Variants in NME8 observed in about 807,000 individuals in gnomAD.
The protein encoded by NME8 is protein NME8.
Under a neutral mutation model 82.3 loss-of-function variants are expected in NME8, and 72 were observed. The observed-to-expected ratio is 0.87, with a 90% CI of 0.72 to 1.06. The LOEUF is 1.06. Ranked by LOEUF, NME8 falls within the 50% of genes least tolerant of loss-of-function variation. The pLI, the probability that NME8 is intolerant of heterozygous loss-of-function variation, is 0.00. For missense variants in NME8, 712 were observed against 685.4 expected, an observed-to-expected ratio of 1.04 and a Z score of -0.43; for synonymous variants, 267 against 228.5, an observed-to-expected ratio of 1.17 and a Z score of -1.52.
At chr7:37,865,236 A>G (rs1784659277) in intron 9 of NME8, among the ~76,000 whole-genome samples, 1 of 152,192 alleles carries the variant, frequency 6.6e-6, no homozygotes, top group African/African-American at 2.4e-5. Flanking sequence ...TACTTCCTAG[A>G]TACAATAGGG....
chr7:37,870,245 T>TAA (rs34913943), intron 11 of NME8, among the ~76,000 whole-genome samples: 2,688 of 145,238 alleles, frequency 0.019, 158 homozygotes, highest in Admixed American at 0.12. Flanking sequence ...CTGATGAACT[T>TAA]AAAAAAAAAA....
intron 14 of NME8, among the ~76,000 whole-genome samples, chr7:37,886,862 C>CAAA (rs3837059): frequency 5.3e-4 from 75 of 142,276 alleles, no homozygotes; most frequent in African/African-American, 1.9e-3. Context: ...GGTGATAAGG[C>CAAA]AAAAAAAAAA....
chr7:37,877,607 T>G (rs775040063), intron 12 of NME8, among the ~76,000 whole-genome samples: 2 of 152,184 alleles, frequency 1.3e-5, no homozygotes, highest in African/African-American at 2.4e-5. Context: ...CCTAGGAGCT[T>G]TCTAGGAGCT....
intron 5 of NME8, among the ~76,000 whole-genome samples, chr7:37,852,236 G>A (rs1784448145): frequency 6.6e-6 from 1 of 152,042 alleles, no homozygotes; most frequent in South Asian, 2.1e-4. Flanking sequence ...TTACCAGGAA[G>A]TAAAGAGTTC....
chr7:37,877,789 AC>A (rs1784879714), intron 12 of NME8, among the ~76,000 whole-genome samples: 1 of 151,874 alleles, frequency 6.6e-6, no homozygotes, highest in Non-Finnish European at 1.5e-5. Context: ...TCAGTATCAT[AC>A]CCCCCTTCCC....
At chr7:37,889,638 A>C (rs1785098453) in intron 15 of NME8, among the ~76,000 whole-genome samples, 1 of 151,948 alleles carries the variant, frequency 6.6e-6, no homozygotes, top group South Asian at 2.1e-4. Flanking sequence ...TTATTCAACA[A>C]ATAAATTATT....
At chr7:37,874,204 T>C (rs1784813741) in intron 11 of NME8, among the ~76,000 whole-genome samples, 1 of 152,204 alleles carries the variant, frequency 6.6e-6, no homozygotes, top group African/African-American at 2.4e-5. Context: ...CCTTGGAATC[T>C]CTGAACACAC....
chr7:37,882,096 G>A (rs1305100997), intron 12 of NME8, among the ~76,000 whole-genome samples: 1 of 152,120 alleles, frequency 6.6e-6, no homozygotes, highest in Non-Finnish European at 1.5e-5. Flanking sequence ...TGTTTTTCAA[G>A]ATTGTATAGA....
intron 16 of NME8, among the ~76,000 whole-genome samples, chr7:37,894,846 A>G (rs986523636): frequency 7.0e-6 from 1 of 143,618 alleles, no homozygotes; most frequent in East Asian, 2.0e-4. Flanking sequence ...CTTCCTTCCT[A>G]CTTTCCTTTC....
intron 11 of NME8, among the ~76,000 whole-genome samples, chr7:37,868,200 G>A (rs552006743): frequency 3.8e-4 from 58 of 152,254 alleles, no homozygotes; most frequent in African/African-American, 1.3e-3. Flanking sequence ...AGTGCAGCGG[G>A]GCTCCTCAGT....
intron 5 of NME8, among the ~76,000 whole-genome samples, chr7:37,855,023 C>A (rs1328231290): frequency 1.3e-5 from 2 of 152,156 alleles, no homozygotes; most frequent in African/African-American, 4.8e-5. Context: ...TCAGGGTTCT[C>A]TTCCATAGCA....
chr7:37,887,331 A>G (rs1057354328), intron 14 of NME8, among the ~76,000 whole-genome samples: 1 of 152,158 alleles, frequency 6.6e-6, no homozygotes, highest in African/African-American at 2.4e-5. Context: ...TCCCTTCAGT[A>G]TCTTCTGGAT....
chr7:37,881,109 T>C (rs1229386840), intron 12 of NME8, among the ~76,000 whole-genome samples: 1 of 152,176 alleles, frequency 6.6e-6, no homozygotes, highest in Non-Finnish European at 1.5e-5. Flanking sequence ...AGAACAACAA[T>C]AGTTTCATTT....
At position 37,849,994 on chromosome 7, in the gene NME8, T is replaced by C. The variant is rs182424312; in HGVS notation, c.-7-266T>C. Among the ~76,000 whole-genome samples the C allele has an allele frequency of 2.1e-3, 324 of 152,242 alleles. 2 individuals carry two copies. Among genetic ancestry groups the C allele is most frequent in the African/African-American group, 7.5e-3 (311 of 41,552 alleles). On this transcript the variant is annotated intron_variant, in intron 2 of 17. Transcript: ENST00000199447. ...TAACTAAAAGAGTATAATTGGATTG[T>C]TTGTAACACAAAGGATAAATGCTTG...
intron 12 of NME8, among the ~76,000 whole-genome samples, chr7:37,879,058 A>C (rs944039510): frequency 9.9e-5 from 15 of 152,048 alleles, no homozygotes; most frequent in Non-Finnish European, 2.1e-4. Context: ...GCAACCACTG[A>C]TCCTTTTGTT....
At chr7:37,882,609 G>GAA (rs1562838333) in intron 12 of NME8, among the ~76,000 whole-genome samples, 8 of 54,496 alleles carry the variant, frequency 1.5e-4, no homozygotes, top group African/African-American at 3.5e-4. Flanking sequence ...GAGAGAGAGA[G>GAA]AGAGAGAAAG....
rs150983980 is a variant in NME8, at chr7:37,857,386, G to C, written c.270+41G>C. The C allele has an allele frequency of 4.0e-5, 54 of 1,338,380 alleles. No individual in the cohort carries two copies. The Middle Eastern group carries it at 2.5e-3, about 63-fold the overall frequency. The allele number at this position is 1,338,380 out of a possible 1,614,324, so 82.9% of individuals were successfully genotyped here. On this transcript the variant is annotated intron_variant, in intron 6 of 17. Coordinates refer to ENST00000199447, the MANE Select transcript of NME8 (RefSeq NM_016616.5). ...TTCTCAATTGCATTATCAGATTCCA[G>C]TTTGCAGTTAAGAACAAGTAACATT...
chr7:37,851,005 T>C lies in NME8; in HGVS notation c.198+270T>C, dbSNP rs3213977. Among the ~76,000 whole-genome samples, 9,576 of 152,262 alleles carry C rather than the reference T, an allele frequency of 0.063. 453 individuals are homozygous for C. The highest frequency in any genetic ancestry group is 0.15 in the Admixed American group (2,312 of 15,278). ...TGGACACATCTATTGTTCTGTTTCC[T>C]TTCACCTGACCACATGTTCAGTGTG... On this transcript the variant is annotated intron_variant, in intron 5 of 17. Transcript: ENST00000199447.
chr7:37,856,014 A>T (rs888864250), intron 5 of NME8, among the ~76,000 whole-genome samples: 3 of 152,056 alleles, frequency 2.0e-5, no homozygotes, highest in African/African-American at 7.2e-5. Context: ...GCAGACCTCA[A>T]TCTAGGGTAC....
Sources: gnomAD v4.1 joint callset for allele counts (sites outside exome capture counted in the v4.1 genomes callset) on GRCh38, gnomAD v4.1.1 for gene constraint, MANE v1.5 for transcripts, NCBI Gene and HGNC (gene_info 2026-07-23, HGNC 2026-07-21) for gene names.